RYR2: variants seen among roughly 807,000 people sequenced by gnomAD.
The protein encoded by RYR2 is cardiac muscle ryanodine receptor-calcium release channel.
A neutral mutation model predicts 601.1 loss-of-function variants in RYR2; 227 were observed. The ratio of observed to expected loss-of-function variants is 0.38; its 90% CI spans 0.34 to 0.42. The LOEUF (loss-of-function observed/expected upper bound fraction) is 0.42. Ranked by LOEUF, RYR2 falls within the 10% of genes least tolerant of loss-of-function variation. The pLI is 1.00. For missense variants in RYR2, 4,646 were observed against 6,156.5 expected, an observed-to-expected ratio of 0.75 and a Z score of 8.21; for synonymous variants, 2,223 against 2,175.1, an observed-to-expected ratio of 1.02 and a Z score of -0.61.
At position 237,634,938 on chromosome 1, in the gene RYR2, G is replaced by T. The variant is rs368207198; in HGVS notation, c.6738G>T (p.Ser2246=). ...GSTPLDVAAA[S]VMDNNELALA... The stretch of plus-strand genomic sequence containing the variant: ...CACCACTGGATGTGGCTGCAGCTTC[G>T]GTGATGGATAATAATGAACTAGCAT... Residue 2246 remains serine, a synonymous_variant, in exon 44 of 105, where the codon TCG becomes TCT. Coordinates refer to ENST00000366574, the MANE Select transcript of RYR2 (RefSeq NM_001035.3). The T allele has an allele frequency of 3.7e-5, 60 of 1,609,336 alleles. 1 individual carries two copies. The East Asian group carries it at 7.1e-4, about 19-fold the overall frequency.
intron 2 of RYR2, among the ~76,000 whole-genome samples, chr1:237,317,778 T>C (rs1465894309): frequency 6.6e-6 from 1 of 152,140 alleles, no homozygotes; most frequent in Non-Finnish European, 1.5e-5. Context: ...GATGTAGCTG[T>C]TTCACCTCTT....
intron 100 of RYR2, among the ~76,000 whole-genome samples, chr1:237,817,249 T>G (rs560137250): frequency 6.6e-6 from 1 of 152,308 alleles, no homozygotes; most frequent in East Asian, 1.9e-4. Flanking sequence ...CCCAGGAGAC[T>G]TTTTCTCCTC....
At chr1:237,487,568 A>G (rs2150392531) in intron 17 of RYR2, among the ~76,000 whole-genome samples, 1 of 150,874 alleles carries the variant, frequency 6.6e-6, no homozygotes, top group South Asian at 2.1e-4. Context: ...AAAAAAAAAA[A>G]AAAAAAAAGC....
intron 67 of RYR2, among the ~76,000 whole-genome samples, chr1:237,706,621 C>T (rs1688403203): frequency 6.6e-6 from 1 of 151,974 alleles, no homozygotes; most frequent in African/African-American, 2.4e-5. Context: ...TCCTCGAAAA[C>T]GGGGAATGGA....
intron 25 of RYR2, among the ~76,000 whole-genome samples, chr1:237,544,867 C>T (rs1669637887): frequency 1.3e-5 from 2 of 152,046 alleles, no homozygotes; most frequent in Admixed American, 6.6e-5. Flanking sequence ...TAGTGTTATC[C>T]ATTATAATTA....
Position 237,649,858 on chromosome 1 carries a change from C to G in RYR2, c.7513-19C>G, listed in dbSNP as rs987730015. On this transcript the variant is annotated intron_variant, in intron 49 of 104. Coordinates refer to ENST00000366574, the MANE Select transcript of RYR2 (RefSeq NM_001035.3). ...ACTGCCAAACACAAATGGCCTTCTACTCTCTGATTCTTTTTCAGGCAGCTT... is the reference window on the plus strand; with the variant it reads ...ACTGCCAAACACAAATGGCCTTCTAGTCTCTGATTCTTTTTCAGGCAGCTT... 10 of 1,609,192 alleles carry G rather than the reference C, an allele frequency of 6.2e-6. No individual in the cohort carries two copies. Among genetic ancestry groups the G allele is most frequent in the Non-Finnish European group, 7.6e-6 (9 of 1,176,980 alleles).
intron 21 of RYR2, among the ~76,000 whole-genome samples, chr1:237,502,392 G>A (rs1157491221): frequency 1.3e-5 from 2 of 152,150 alleles, no homozygotes; most frequent in African/African-American, 4.8e-5. Context: ...TCAAGTTGAA[G>A]TGACATCAGA....
chr1:237,459,342 T>TG lies in RYR2; in HGVS notation c.1612+2613dup, dbSNP rs1322777606. On this transcript the variant is annotated intron_variant, in intron 16 of 104. Coordinates refer to ENST00000366574, the MANE Select transcript of RYR2 (RefSeq NM_001035.3). ...GCTCATGTGTGTAGTCCCAGCTGCG[T>TG]GGGGGGCTGAACTGGTAGGATTGCT... Among the ~76,000 whole-genome samples, 4 of 152,064 alleles carry TG rather than the reference T, an allele frequency of 2.6e-5. No homozygotes were observed. The East Asian group carries it at 5.8e-4, about 22-fold the overall frequency.
intron 33 of RYR2, among the ~76,000 whole-genome samples, chr1:237,594,902 T>TTTGTTTTTTTTG (rs1675679330): frequency 3.8e-5 from 1 of 26,078 alleles, no homozygotes; most frequent in African/African-American, 6.1e-5. Flanking sequence ...TTTTTTTTTT[T>TTTGTTTTTTTTG]TTTTTTTTTT....
Position 237,625,812 on chromosome 1 carries a change from G to A in RYR2, c.6166+8G>A, listed in dbSNP as rs373112536. 44 of 1,612,600 alleles carry A rather than the reference G, an allele frequency of 2.7e-5. 1 individual carries two copies. The Middle Eastern group carries it at 6.6e-4, about 24-fold the overall frequency. On this transcript the variant is annotated splice_region_variant and intron_variant, in intron 40 of 104. Transcript: ENST00000366574. ...GTGACTCCAAAAAGTCCTGTAAGCAGTATGAGAGTGCACTGGCAGAATGAC... is the reference window on the plus strand; with the variant it reads ...GTGACTCCAAAAAGTCCTGTAAGCAATATGAGAGTGCACTGGCAGAATGAC...
intron 56 of RYR2, 92 bp downstream of exon 56, chr1:237,661,039 C>A: frequency 2.6e-6 from 3 of 1,164,120 alleles, no homozygotes; most frequent in Admixed American, 4.1e-5. Flanking sequence ...AAAGAATAAT[C>A]TGAAAATTCT....
intron 17 of RYR2, among the ~76,000 whole-genome samples, chr1:237,473,772 C>T (rs1661054616): frequency 6.6e-6 from 1 of 152,080 alleles, no homozygotes; most frequent in Admixed American, 6.6e-5. Context: ...CTGCAGCCTA[C>T]AGGTTGCTGC....
At chr1:237,107,862 C>A (rs576005703) in intron 1 of RYR2, among the ~76,000 whole-genome samples, 2 of 152,354 alleles carry the variant, frequency 1.3e-5, no homozygotes, top group South Asian at 4.1e-4. Flanking sequence ...GCTCCTCCCT[C>A]CTTCCCTGGG....
intron 97 of RYR2, among the ~76,000 whole-genome samples, chr1:237,798,936 CAT>C (rs1491022795): frequency 2.0e-5 from 3 of 152,088 alleles, no homozygotes; most frequent in Non-Finnish European, 4.4e-5. Flanking sequence ...TTGGAAGAAA[CAT>C]AATACTTTCT....
At chr1:237,770,030 A>ATTTG (rs1387919156) in intron 84 of RYR2, among the ~76,000 whole-genome samples, 1 of 152,106 alleles carries the variant, frequency 6.6e-6, no homozygotes, top group African/African-American at 2.4e-5. Flanking sequence ...CCCCAAAAAT[A>ATTTG]TTTGTTAGTG....
intron 1 of RYR2, among the ~76,000 whole-genome samples, chr1:237,045,386 T>C (rs1049493238): frequency 1.3e-5 from 2 of 152,218 alleles, no homozygotes; most frequent in African/African-American, 4.8e-5. Flanking sequence ...ACTGTTTAGC[T>C]TGTACCTGTC....
Position 237,525,214 on chromosome 1 carries a change from G to C in RYR2, c.2823-5213G>C, listed in dbSNP as rs562260126. Among the ~76,000 whole-genome samples the C allele has an allele frequency of 7.8e-4, 119 of 152,190 alleles. 1 individual carries two copies. Among genetic ancestry groups the C allele is most frequent in the African/African-American group, 2.8e-3 (116 of 41,548 alleles). On this transcript the variant is annotated intron_variant, in intron 24 of 104. Transcript: ENST00000366574. ...GCTTGGCCCCCACTTACAAGTGAGA[G>C]TATGAAGTATTTAATTTTCTTTTAA...
chr1:237,643,846 C>T (rs1467886063), intron 48 of RYR2, among the ~76,000 whole-genome samples: 1 of 152,108 alleles, frequency 6.6e-6, no homozygotes, highest in South Asian at 2.1e-4. Flanking sequence ...GATCTCCTGA[C>T]CTCGTGATCC....
chr1:237,666,656 T>C (rs1684353416), intron 57 of RYR2, 67 bp downstream of exon 57: 1 of 1,223,808 alleles, frequency 8.2e-7, no homozygotes, highest in Admixed American at 2.0e-5. Context: ...TGTAATGCTT[T>C]CCTGCATATA....
Sources: gnomAD v4.1 joint callset for allele counts (sites outside exome capture counted in the v4.1 genomes callset) on GRCh38, gnomAD v4.1.1 for gene constraint, MANE v1.5 for transcripts, NCBI Gene and HGNC (gene_info 2026-07-23, HGNC 2026-07-21) for gene names.